The following C6orf62 variants were observed in gnomAD, a reference collection of about 807,000 sequenced individuals.
C6orf62 encodes the protein uncharacterized protein C6orf62.
A neutral mutation model predicts 26.8 loss-of-function variants in C6orf62; 16 were observed. That is an observed-to-expected ratio of 0.60 (90% CI 0.40 to 0.91). The LOEUF is 0.91. Among genes scored for constraint, C6orf62 ranks in the 40% least tolerant of loss-of-function variants. The pLI, the probability that C6orf62 is intolerant of heterozygous loss-of-function variation, is 0.00. For synonymous variants in C6orf62, 112 were observed against 91.5 expected (o/e 1.22, Z -1.28); for missense variants, 192 against 271.4 (o/e 0.71, Z 2.06).
intron 3 of C6orf62, chr6:24,709,602 T>C (rs9356943): frequency 0.24 from 228,183 of 931,476 alleles, 26,970 homozygotes; most frequent in Middle Eastern, 0.27. Context: ...TTGCTCCTCA[T>C]AGATAGGCTA....
At chr6:24,714,748 T>G (rs1167628693) in intron 2 of C6orf62, among the ~76,000 whole-genome samples, 2 of 152,200 alleles carry the variant, frequency 1.3e-5, no homozygotes, top group Non-Finnish European at 2.9e-5. Flanking sequence ...CCCGAATGGC[T>G]GGGATTACAA....
chr6:24,712,320 T>C (rs1779135753), intron 3 of C6orf62, among the ~76,000 whole-genome samples: 1 of 151,910 alleles, frequency 6.6e-6, no homozygotes, highest in Non-Finnish European at 1.5e-5. Context: ...AGGCAGAGGT[T>C]GCAGTGAGCC....
At chr6:24,719,712 T>C, upstream of C6orf62, 1 of 1,502,456 alleles carries the variant, frequency 6.7e-7, no homozygotes, top group Non-Finnish European at 8.9e-7. Context: ...TTCAAAATGG[T>C]GGGGAGTGCG....
At chr6:24,720,101 T>G (rs1779325054), upstream of C6orf62, 1 of 1,422,706 alleles carries the variant, frequency 7.0e-7, no homozygotes, top group Non-Finnish European at 9.2e-7. Context: ...TTGGATTGTT[T>G]AGGGTGGGGT....
At position 24,719,080 on chromosome 6, in the gene C6orf62, A is replaced by T. The variant is rs1310534482; in HGVS notation, c.-412T>A. ...CAGCTGACACCAGACCAATCCCTAA[A>T]ATCCATCCGGATTTTCCCCCCTTTT... On this transcript the variant is annotated 5_prime_UTR_variant, in exon 1 of 5. Transcript: ENST00000378119. The T allele has an allele frequency of 4.0e-6, 4 of 992,978 alleles. No homozygotes were observed. In the East Asian group the frequency reaches 3.4e-4, roughly 84 times the overall value. The allele number at this position is 992,978 out of a possible 1,614,324, so 61.5% of individuals were successfully genotyped here. A position where few individuals can be genotyped will look rare whatever the true frequency, so the allele number is the denominator to read the frequency against.
At chr6:24,719,978 AG>A, upstream of C6orf62, 1 of 1,545,926 alleles carries the variant, frequency 6.5e-7, no homozygotes, top group Non-Finnish European at 8.7e-7. Context: ...GGGGAAAAAA[AG>A]AAAATAATTG....
rs774902296 is a variant in C6orf62 at position 24,718,717 on chromosome 6, T to C, written c.-49A>G. 1.2e-6 allele frequency: 2 copies of C among 1,600,818 alleles called. No homozygotes were observed. The highest frequency in any genetic ancestry group is 2.2e-5 in the East Asian group (1 of 44,798). On this transcript the variant is annotated 5_prime_UTR_variant, in exon 1 of 5. Transcript: ENST00000378119. ...GCCTTTGGAAATTGTCACTAAACTA[T>C]GGGCACTTTTTCTTAAGACTCAAGT...
chr6:24,718,494 T>TA, intron 1 of C6orf62, 46 bp downstream of exon 1: 1 of 1,525,452 alleles, frequency 6.6e-7, no homozygotes, highest in Admixed American at 1.9e-5. Context: ...AATATACACT[T>TA]ACAAAAATTA....
At chr6:24,707,720 T>A (rs1281231645) in intron 4 of C6orf62, among the ~76,000 whole-genome samples, 1 of 152,058 alleles carries the variant, frequency 6.6e-6, no homozygotes, top group Non-Finnish European at 1.5e-5. Context: ...ATTTAAAAAG[T>A]CAGCCGGTTG....
rs947612469 is a variant in C6orf62, at chr6:24,705,275, T to C, written c.*862A>G. 4 of 152,494 alleles carry C rather than the reference T, an allele frequency of 2.6e-5. No individual in the cohort carries two copies. Among genetic ancestry groups the C allele is most frequent in the Non-Finnish European group, 5.9e-5 (4 of 68,032 alleles). 9.4% of individuals were successfully genotyped at this position (152,494 alleles called of 1,614,324 possible). On this transcript the variant is annotated 3_prime_UTR_variant, in exon 5 of 5. Coordinates refer to ENST00000378119, the MANE Select transcript of C6orf62 (RefSeq NM_030939.5). ...AGCATTTCTGCACAATTCACTGGAATTTTTTTCTTTGTAATAAAAATCTCT... is the reference window on the plus strand; with the variant it reads ...AGCATTTCTGCACAATTCACTGGAACTTTTTTCTTTGTAATAAAAATCTCT...
chr6:24,710,661 G>A (rs1779104187), intron 3 of C6orf62: 1 of 972,586 alleles, frequency 1.0e-6, no homozygotes, highest in South Asian at 4.8e-5. Context: ...CGCCTTTAAA[G>A]ATTAAGAGGA....
At chr6:24,714,725 C>T (rs559279058) in intron 2 of C6orf62, among the ~76,000 whole-genome samples, 10 of 152,310 alleles carry the variant, frequency 6.6e-5, no homozygotes, top group East Asian at 5.8e-4. Flanking sequence ...AAGCGATTCT[C>T]GTGACTTAGC....
chr6:24,720,186 C>T, upstream of C6orf62: 1 of 1,364,094 alleles, frequency 7.3e-7, no homozygotes, highest in East Asian at 2.9e-5. Context: ...GAAATCCCCT[C>T]CCTGTCCCCG....
At position 24,718,198 on chromosome 6, in the gene C6orf62, A is replaced by G. The variant is rs182925000; in HGVS notation, c.129+342T>C. 6.6e-4 allele frequency among the ~76,000 whole-genome samples: 100 copies of G among 152,342 alleles called. 1 individual carries two copies. The highest frequency in any genetic ancestry group is 3.4e-3 in the Middle Eastern group (1 of 294). On this transcript the variant is annotated intron_variant, in intron 1 of 4. Transcript: ENST00000378119. ...TTTCACACTTTCAACCATCTTATTT[A>G]TACTCTACATTAGATAATCTTTAAA...
At chr6:24,714,524 T>C (rs1779186913) in intron 2 of C6orf62, 84 bp from the exon 3 acceptor site, 1 of 990,358 alleles carries the variant, frequency 1.0e-6, no homozygotes, top group Admixed American at 2.5e-5. Context: ...GGTTCCCCTA[T>C]AAAAACATTT....
chr6:24,711,524 G>A (rs761414970), intron 3 of C6orf62, among the ~76,000 whole-genome samples: 5 of 152,220 alleles, frequency 3.3e-5, no homozygotes, highest in South Asian at 2.1e-4. Flanking sequence ...GCCAGGCACG[G>A]TGACTCACAC....
At chr6:24,720,287 G>GCGA (rs1779330231), upstream of C6orf62, 1 of 1,282,600 alleles carries the variant, frequency 7.8e-7, no homozygotes, top group Admixed American at 3.9e-5. Context: ...GGCGGAAGAG[G>GCGA]CGGCGGCGGC....
upstream of C6orf62, chr6:24,720,670 C>T (rs1412311570): frequency 6.5e-6 from 1 of 152,746 alleles, no homozygotes; most frequent in East Asian, 1.9e-4. Flanking sequence ...CTTCCCCCTA[C>T]AGTCGGATTC....
chr6:24,720,392 T>A, upstream of C6orf62: 1 of 1,168,246 alleles, frequency 8.6e-7, no homozygotes, highest in African/African-American at 1.6e-5. Context: ...GCACCGTGAC[T>A]GGACCGCCCG....
Sources: allele counts gnomAD v4.1 joint callset (sites outside exome capture counted in the v4.1 genomes callset), GRCh38; gene constraint gnomAD v4.1.1; transcripts MANE v1.5; gene names NCBI Gene and HGNC (gene_info 2026-07-23, HGNC 2026-07-21).